GRAMD2B: variants seen among roughly 807,000 people sequenced by gnomAD.
The protein encoded by GRAMD2B is GRAM domain-containing protein 2B.
A neutral mutation model predicts 59.2 loss-of-function variants in GRAMD2B; 41 were observed. The ratio of observed to expected loss-of-function variants is 0.69; its 90% CI spans 0.54 to 0.90. The LOEUF (loss-of-function observed/expected upper bound fraction) is 0.90. GRAMD2B is among the 40% of genes least tolerant of loss of function. GRAMD2B has a pLI of 0.00. For missense variants in GRAMD2B, 424 were observed against 500.5 expected (o/e 0.85, Z 1.46); for synonymous variants, 161 against 182.7 (o/e 0.88, Z 0.96).
chr5:126,457,308 G>C (rs1318586860), intron 1 of GRAMD2B, among the ~76,000 whole-genome samples: 1 of 149,378 alleles, frequency 6.7e-6, no homozygotes, highest in Non-Finnish European at 1.5e-5. Context: ...ATCTTACTTT[G>C]GTCCCTTAAT....
chr5:126,372,776 C>T (rs532982243), intron 1 of GRAMD2B, among the ~76,000 whole-genome samples: 5 of 152,208 alleles, frequency 3.3e-5, no homozygotes, highest in Middle Eastern at 3.4e-3. Context: ...AAAACTCATC[C>T]ATTATTTCCA....
intron 1 of GRAMD2B, among the ~76,000 whole-genome samples, chr5:126,428,957 A>G (rs907243756): frequency 7.2e-5 from 11 of 152,192 alleles, no homozygotes; most frequent in African/African-American, 2.4e-4. Flanking sequence ...AATTAGTTTG[A>G]CCATCGTGGA....
chr5:126,379,795 T>A (rs1209694390), intron 1 of GRAMD2B, among the ~76,000 whole-genome samples: 1 of 152,200 alleles, frequency 6.6e-6, no homozygotes, highest in Non-Finnish European at 1.5e-5. Context: ...TCCTTGTACA[T>A]TCTGGATATC....
chr5:126,388,760 AG>A (rs1339728533), intron 1 of GRAMD2B, among the ~76,000 whole-genome samples: 1 of 151,786 alleles, frequency 6.6e-6, no homozygotes, highest in Non-Finnish European at 1.5e-5. Context: ...CCTTCTTAAG[AG>A]AAAAAAAACC....
chr5:126,430,187 T>C (rs922162135), intron 1 of GRAMD2B, among the ~76,000 whole-genome samples: 1 of 152,196 alleles, frequency 6.6e-6, no homozygotes, highest in African/African-American at 2.4e-5. Flanking sequence ...CGAAGTTTGA[T>C]TCGTTACCTT....
chr5:126,379,173 G>A (rs1755451117), intron 1 of GRAMD2B, among the ~76,000 whole-genome samples: 1 of 151,716 alleles, frequency 6.6e-6, no homozygotes, highest in Non-Finnish European at 1.5e-5. Context: ...TTTCCATTCC[G>A]AGTTATTTCA....
At chr5:126,418,660 A>T (rs566232983), upstream of GRAMD2B, among the ~76,000 whole-genome samples, 3 of 152,378 alleles carry the variant, frequency 2.0e-5, no homozygotes, top group South Asian at 6.2e-4. Context: ...ACAGAGTTCC[A>T]TTCCAATGTT....
intron 3 of GRAMD2B, among the ~76,000 whole-genome samples, chr5:126,470,980 G>A (rs777369645): frequency 7.2e-5 from 11 of 152,192 alleles, no homozygotes; most frequent in Non-Finnish European, 1.6e-4. Flanking sequence ...ACTGCTCACT[G>A]TAGCCATTGA....
At chr5:126,481,946 A>T (rs184395752) in intron 8 of GRAMD2B, among the ~76,000 whole-genome samples, 28 of 146,210 alleles carry the variant, frequency 1.9e-4, no homozygotes, top group Non-Finnish European at 3.9e-4. Flanking sequence ...CCAGCCTGGG[A>T]GACAGTGCAA....
At chr5:126,474,802 T>C (rs1357088927) in intron 5 of GRAMD2B, among the ~76,000 whole-genome samples, 1 of 152,098 alleles carries the variant, frequency 6.6e-6, no homozygotes, top group Non-Finnish European at 1.5e-5. Flanking sequence ...TTAGAAGGAG[T>C]GACCCTGGTT....
intron 1 of GRAMD2B, among the ~76,000 whole-genome samples, chr5:126,387,273 GA>G (rs34031474): frequency 0.86 from 128,616 of 148,758 alleles, 57,320 homozygotes; most frequent in East Asian, 1. Context: ...TAACTCTTCT[GA>G]AAAAAAAAAA....
intron 1 of GRAMD2B, among the ~76,000 whole-genome samples, chr5:126,408,074 G>A (rs1758415963): frequency 6.6e-6 from 1 of 151,910 alleles, no homozygotes; most frequent in Admixed American, 6.6e-5. Context: ...ATAGTCCCCA[G>A]AGGTTTGTTT....
At chr5:126,469,872 C>A in intron 3 of GRAMD2B, 84 bp downstream of exon 3, 1 of 885,864 alleles carries the variant, frequency 1.1e-6, no homozygotes, top group Non-Finnish European at 1.8e-6. Context: ...AAGTATGCAC[C>A]TTCCTGCTGG....
intron 3 of GRAMD2B, among the ~76,000 whole-genome samples, chr5:126,471,298 C>G (rs1373697790): frequency 2.0e-5 from 3 of 152,212 alleles, no homozygotes; most frequent in Admixed American, 6.5e-5. Flanking sequence ...CAGGCTTGAA[C>G]TCCTGGGCTC....
chr5:126,459,061 C>A (rs1408238661), intron 1 of GRAMD2B: 2 of 152,180 alleles, frequency 1.3e-5, no homozygotes, highest in Non-Finnish European at 2.9e-5. Flanking sequence ...TGTACATATT[C>A]ATTTTAAAGA....
chr5:126,455,137 C>T (rs989222904), intron 1 of GRAMD2B, among the ~76,000 whole-genome samples: 2 of 152,168 alleles, frequency 1.3e-5, no homozygotes, highest in Non-Finnish European at 2.9e-5. Flanking sequence ...GTGTCTGCTT[C>T]TTGCCTTCAG....
chr5:126,382,766 T>C (rs1755769093), intron 1 of GRAMD2B, among the ~76,000 whole-genome samples: 1 of 152,174 alleles, frequency 6.6e-6, no homozygotes, highest in South Asian at 2.1e-4. Flanking sequence ...TTAAAAAATC[T>C]TGTTTTGTCA....
chr5:126,409,079 C>T (rs1758526136), intron 1 of GRAMD2B, among the ~76,000 whole-genome samples: 2 of 151,636 alleles, frequency 1.3e-5, no homozygotes, highest in Admixed American at 1.3e-4. Context: ...TTTCTTAATC[C>T]AGTCTATCAT....
At chr5:126,394,294 G>T (rs1489893590) in intron 1 of GRAMD2B, among the ~76,000 whole-genome samples, 1 of 151,312 alleles carries the variant, frequency 6.6e-6, no homozygotes, top group Non-Finnish European at 1.5e-5. Context: ...AAAAAGAAAA[G>T]AAAACTAGGG....
Sources: allele counts gnomAD v4.1 joint callset (sites outside exome capture counted in the v4.1 genomes callset), GRCh38; gene constraint gnomAD v4.1.1; transcripts MANE v1.5; gene names NCBI Gene and HGNC (gene_info 2026-07-23, HGNC 2026-07-21).